The following NTRK3 variants were observed in gnomAD, a reference collection of about 807,000 sequenced individuals.
The protein encoded by NTRK3 is NT-3 growth factor receptor.
Under a neutral mutation model 91.7 loss-of-function variants are expected in NTRK3, and 24 were observed. The observed-to-expected ratio is 0.26, with a 90% confidence interval of 0.19 to 0.37. The LOEUF (loss-of-function observed/expected upper bound fraction) is 0.37, where lower values mean the gene tolerates loss of function less well. Ranked by LOEUF, NTRK3 falls within the 10% of genes least tolerant of loss-of-function variation. The pLI is 1.00. For synonymous variants in NTRK3, 483 were observed against 404.0 expected, an observed-to-expected ratio of 1.20 and a Z score of -2.34; for missense variants, 880 against 1,068.9, an observed-to-expected ratio of 0.82 and a Z score of 2.46.
At chr15:87,941,694 T>A (rs962744355) in intron 14 of NTRK3, among the ~76,000 whole-genome samples, 8 of 152,200 alleles carry the variant, frequency 5.3e-5, no homozygotes, top group African/African-American at 1.7e-4. Context: ...CGAGGGTGTG[T>A]GCAGAGAGAA....
intron 17 of NTRK3, among the ~76,000 whole-genome samples, chr15:87,883,552 G>C (rs1419338085): frequency 6.6e-6 from 1 of 150,984 alleles, no homozygotes; most frequent in African/African-American, 2.4e-5. Flanking sequence ...TACAAATAAT[G>C]GGTTTCAATA....
chr15:87,931,193 G>C (rs1284164196), intron 16 of NTRK3: 7 of 517,562 alleles, frequency 1.4e-5, no homozygotes, highest in Admixed American at 7.8e-5. Context: ...GCACCTAGGA[G>C]CTTTCTTTAA....
chr15:88,147,378 T>C, exon 6 of NTRK3: 2 of 1,613,826 alleles, frequency 1.2e-6, no homozygotes, highest in Non-Finnish European at 1.7e-6. Flanking sequence ...CACGAGAGTG[T>C]GGTGAGCCGG....
chr15:88,153,564 T>C (rs1332807424), intron 5 of NTRK3, among the ~76,000 whole-genome samples: 2 of 152,192 alleles, frequency 1.3e-5, no homozygotes, highest in Admixed American at 6.5e-5. Flanking sequence ...CTCTTTTTTT[T>C]CACTATGAAA....
At chr15:88,156,061 T>G (rs554777508) in intron 5 of NTRK3, among the ~76,000 whole-genome samples, 2 of 152,166 alleles carry the variant, frequency 1.3e-5, no homozygotes, top group Non-Finnish European at 1.5e-5. Context: ...AGTCAACAGG[T>G]AGAAAACTGT....
At chr15:87,890,695 G>C (rs911235337) in intron 17 of NTRK3, among the ~76,000 whole-genome samples, 5 of 152,062 alleles carry the variant, frequency 3.3e-5, no homozygotes, top group African/African-American at 1.2e-4. Context: ...CTATGCCTGT[G>C]TCTTCTCACA....
intron 17 of NTRK3, among the ~76,000 whole-genome samples, chr15:87,923,491 T>C (rs2068044828): frequency 6.6e-6 from 1 of 152,138 alleles, no homozygotes; most frequent in Admixed American, 6.5e-5. Context: ...AGAGGACTAC[T>C]CCTCCAGTGA....
At chr15:88,078,806 G>C (rs2047784468) in intron 13 of NTRK3, among the ~76,000 whole-genome samples, 2 of 152,236 alleles carry the variant, frequency 1.3e-5, no homozygotes, top group Non-Finnish European at 2.9e-5. Context: ...ACAGGGCAAA[G>C]GTCCTAAGGG....
At chr15:87,991,720 A>G (rs2075300482) in intron 14 of NTRK3, among the ~76,000 whole-genome samples, 2 of 152,102 alleles carry the variant, frequency 1.3e-5, no homozygotes, top group African/African-American at 4.8e-5. Flanking sequence ...AATTCCCCAT[A>G]TCAAACACCT....
chr15:88,061,319 T>A (rs1179615434), intron 13 of NTRK3, among the ~76,000 whole-genome samples: 1 of 152,188 alleles, frequency 6.6e-6, no homozygotes, highest in East Asian at 1.9e-4. Flanking sequence ...ATCCATCAAA[T>A]GGAGCTCCGA....
chr15:88,123,674 A>C (rs1226835553), intron 13 of NTRK3, among the ~76,000 whole-genome samples: 1 of 152,254 alleles, frequency 6.6e-6, no homozygotes, highest in Admixed American at 6.5e-5. Flanking sequence ...ATCAATCAAT[A>C]CATGTAAGAT....
intron 3 of NTRK3, among the ~76,000 whole-genome samples, chr15:88,211,756 A>G (rs1350727703): frequency 2.6e-5 from 4 of 152,232 alleles, no homozygotes. Flanking sequence ...CTGTAGAGAT[A>G]AACATGTTTT....
chr15:88,229,920 T>C (rs952197941), intron 3 of NTRK3, among the ~76,000 whole-genome samples: 1 of 152,204 alleles, frequency 6.6e-6, no homozygotes, highest in Non-Finnish European at 1.5e-5. Context: ...CAAGTCACAA[T>C]GCGGCCATTG....
chr15:88,026,523 A>G (rs1453461273), intron 14 of NTRK3, among the ~76,000 whole-genome samples: 1 of 152,184 alleles, frequency 6.6e-6, no homozygotes, highest in Non-Finnish European at 1.5e-5. Context: ...CATTTTGGAC[A>G]GTGAAATTAT....
intron 13 of NTRK3, among the ~76,000 whole-genome samples, chr15:88,121,621 G>A (rs1293777643): frequency 6.6e-6 from 1 of 152,192 alleles, no homozygotes; most frequent in Non-Finnish European, 1.5e-5. Flanking sequence ...TGTAGCTGCA[G>A]TAAATAGCCC....
At chr15:88,227,751 T>C (rs1188292784) in intron 3 of NTRK3, among the ~76,000 whole-genome samples, 1 of 151,950 alleles carries the variant, frequency 6.6e-6, no homozygotes, top group African/African-American at 2.4e-5. Context: ...TCACTGCCCG[T>C]TCCTCCCTCC....
At chr15:88,054,402 C>T (rs1193830208) in intron 13 of NTRK3, among the ~76,000 whole-genome samples, 5 of 152,134 alleles carry the variant, frequency 3.3e-5, no homozygotes, top group Non-Finnish European at 5.9e-5. Context: ...GGCATTCAGC[C>T]CCACACATGA....
rs79965042 is a variant in NTRK3, at chr15:88,154,990, T to C, written c.396-7587A>G. On this transcript the variant is annotated intron_variant, in intron 5 of 18. Transcript: ENST00000394480. ...AGCCAGGGGTCAGCAAGCTAGAGCC[T>C]GTAGGTCGGCAGTCTGTTTTTATAG... is the stretch of plus-strand genomic sequence containing the variant. Among the ~76,000 whole-genome samples, 977 of 152,290 alleles carry C rather than the reference T, an allele frequency of 6.4e-3. 13 individuals are homozygous for C. Among genetic ancestry groups the C allele is most frequent in the African/African-American group, 0.022 (924 of 41,558 alleles).
chr15:87,884,968 T>G (rs538003856), intron 17 of NTRK3, among the ~76,000 whole-genome samples: 1 of 151,970 alleles, frequency 6.6e-6, no homozygotes, highest in Admixed American at 6.5e-5. Context: ...GTAGAAATAT[T>G]GAAAACAAAA....
Sources: allele counts gnomAD v4.1 joint callset (sites outside exome capture counted in the v4.1 genomes callset), GRCh38; gene constraint gnomAD v4.1.1; transcripts MANE v1.5; gene names NCBI Gene and HGNC (gene_info 2026-07-23, HGNC 2026-07-21).